Variants in GALNT9 observed in about 807,000 individuals in gnomAD.
The protein encoded by GALNT9 is polypeptide N-acetylgalactosaminyltransferase 9.
GALNT9 carries 47 observed loss-of-function variants against 63.1 expected under a neutral mutation model. That is an observed-to-expected ratio of 0.75 (90% CI 0.59 to 0.95). The LOEUF (loss-of-function observed/expected upper bound fraction) is 0.95, where lower values mean the gene tolerates loss of function less well. Ranked by LOEUF, GALNT9 falls within the 40% of genes least tolerant of loss-of-function variation. The probability of loss-of-function intolerance (pLI) is 0.00; values close to 1 mark genes in which losing one functional copy is unlikely to be tolerated. For synonymous variants in GALNT9, 396 were observed against 365.7 expected, an observed-to-expected ratio of 1.08 and a Z score of -0.94; for missense variants, 829 against 874.8, an observed-to-expected ratio of 0.95 and a Z score of 0.66.
chr12:132,308,575 G>A (rs906283992), intron 1 of GALNT9, among the ~76,000 whole-genome samples: 3 of 152,196 alleles, frequency 2.0e-5, no homozygotes, highest in Non-Finnish European at 4.4e-5. Flanking sequence ...AGGGTGGGCC[G>A]GGGAGGTAAG....
Position 132,199,132 on chromosome 12 carries a change from C to T in GALNT9, c.1497+42G>A, listed in dbSNP as rs61738583. On this transcript the variant is annotated intron_variant, in intron 9 of 10. Transcript: ENST00000328957. The stretch of plus-strand genomic sequence containing the variant: ...GTGTAGGGTCCGGGTGGCCTGGGGT[C>T]GTCCCCTTGGGAGCTGCATGGGTGG... The T allele has an allele frequency of 7.6e-3, 10,240 of 1,348,272 alleles. 382 individuals carry two copies. The African/African-American group carries it at 0.1, about 13-fold the overall frequency. The allele number at this position is 1,348,272 out of a possible 1,614,324, so 83.5% of individuals were successfully genotyped here.
intron 6 of GALNT9, chr12:132,240,638 C>G (rs2136899023): frequency 1.6e-5 from 7 of 449,166 alleles, no homozygotes; most frequent in Non-Finnish European, 1.8e-5. Context: ...CTATGGGCCT[C>G]GGACCTGCTC....
intron 6 of GALNT9, among the ~76,000 whole-genome samples, chr12:132,218,416 T>TC (rs975951389): frequency 2.0e-5 from 3 of 152,222 alleles, no homozygotes; most frequent in African/African-American, 4.8e-5. Flanking sequence ...GAACGGAATT[T>TC]CCCCTTTAAC....
intron 6 of GALNT9, among the ~76,000 whole-genome samples, chr12:132,223,302 C>A (rs1877548699): frequency 1.0e-5 from 1 of 97,166 alleles, no homozygotes; most frequent in Non-Finnish European, 2.2e-5. Flanking sequence ...AGACACCCCA[C>A]ACAACCCACA....
chr12:132,304,822 C>G (rs868960537), intron 1 of GALNT9, among the ~76,000 whole-genome samples: 10 of 54,934 alleles, frequency 1.8e-4, no homozygotes, highest in Non-Finnish European at 2.0e-4. Context: ...CACCCTCGCC[C>G]GGGCACACCC....
chr12:132,281,208 G>A (rs1295315207), intron 2 of GALNT9, among the ~76,000 whole-genome samples: 3 of 152,246 alleles, frequency 2.0e-5, no homozygotes, highest in African/African-American at 7.2e-5. Flanking sequence ...GTCCACCGGG[G>A]TCTGCGTTCT....
At chr12:132,220,952 G>T (rs1196672372) in intron 6 of GALNT9, among the ~76,000 whole-genome samples, 1 of 151,114 alleles carries the variant, frequency 6.6e-6, no homozygotes, top group Non-Finnish European at 1.5e-5. Flanking sequence ...AGGTACTCGG[G>T]AGGCTGAGGC....
In GALNT9 at chr12:132,240,179, G is replaced by C. The variant is rs2136897855; in HGVS notation, c.1077+7731C>G. On this transcript the variant is annotated intron_variant, in intron 6 of 10. Coordinates refer to ENST00000328957, the MANE Select transcript of GALNT9 (RefSeq NM_001122636.2). ...CAAGCGTATTTAGGGGACGTTGCTTGAGAGGAATCTCCTCTCTAAATGGCG... is the reference window on the plus strand; with the variant it reads ...CAAGCGTATTTAGGGGACGTTGCTTCAGAGGAATCTCCTCTCTAAATGGCG... Among the ~76,000 whole-genome samples, 3 of 152,302 alleles carry C rather than the reference G, an allele frequency of 2.0e-5. No individual in the cohort carries two copies. The South Asian group carries it at 6.2e-4, about 32-fold the overall frequency.
At chr12:132,224,585 C>A (rs1371592112) in intron 6 of GALNT9, among the ~76,000 whole-genome samples, 3,528 of 77,742 alleles carry the variant, frequency 0.045, 479 homozygotes, top group Non-Finnish European at 0.063. Context: ...CACACACACA[C>A]CACACAACCC....
chr12:132,238,341 T>TG lies in GALNT9; in HGVS notation c.1077+9568dup, dbSNP rs1383914966. On this transcript the variant is annotated intron_variant, in intron 6 of 10. Coordinates refer to ENST00000328957, the MANE Select transcript of GALNT9 (RefSeq NM_001122636.2). This position sits in a 1 kb window ranked among gnomAD's most constrained non-coding sequence, Gnocchi z 6.5. ...CACTGGCGAGGGGGACAGAGCTGGA[T>TG]GGGGGGCTTCAGGAGGGGCCGGGCA... 7.2e-6 allele frequency among the ~76,000 whole-genome samples: 1 copy of TG among 138,724 alleles called. No individual in the cohort carries two copies. Among genetic ancestry groups the TG allele is most frequent in the Non-Finnish European group, 1.6e-5 (1 of 63,088 alleles). 91.0% of individuals were successfully genotyped at this position (138,724 alleles called of 152,430 possible).
intron 2 of GALNT9, among the ~76,000 whole-genome samples, chr12:132,285,160 G>A: frequency 6.6e-6 from 1 of 152,220 alleles, no homozygotes; most frequent in Non-Finnish European, 1.5e-5. Context: ...CCTCCTGCCT[G>A]CCCTCCCTCA....
intron 10 of GALNT9, 57 bp from the exon 11 acceptor site, chr12:132,197,310 C>A (rs1875582286): frequency 1.3e-6 from 2 of 1,590,262 alleles, no homozygotes; most frequent in African/African-American, 1.3e-5. Context: ...TCCCCCTCCC[C>A]CCACCTCAGG....
intron 1 of GALNT9, among the ~76,000 whole-genome samples, chr12:132,288,799 G>A (rs1489683104): frequency 6.8e-6 from 1 of 146,678 alleles, no homozygotes; most frequent in Non-Finnish European, 1.5e-5. Context: ...CCCAGCGTTG[G>A]AACCGGCAGG....
Position 132,197,014 on chromosome 12 carries a change from T to C in GALNT9, c.*93A>G. ...CCTGGCCGCACATAGAGCCCTGTCC[T>C]GCTGTGTCTGCCGGGCACACCCCGG... is the stretch of plus-strand genomic sequence containing the variant. On this transcript the variant is annotated 3_prime_UTR_variant, in exon 11 of 11. Transcript: ENST00000328957. 1.9e-6 allele frequency: 3 copies of C among 1,566,020 alleles called. No individual in the cohort carries two copies. The highest frequency in any genetic ancestry group is 1.7e-6 in the Non-Finnish European group (2 of 1,155,296).
intron 6 of GALNT9, among the ~76,000 whole-genome samples, chr12:132,240,936 C>T (rs1272613284): frequency 1.6e-4 from 23 of 139,626 alleles, no homozygotes; most frequent in African/African-American, 1.1e-4. Context: ...ATTACACACA[C>T]GCCACACCCC....
intron 6 of GALNT9, among the ~76,000 whole-genome samples, chr12:132,211,236 A>G (rs997046747): frequency 6.6e-6 from 1 of 152,180 alleles, no homozygotes; most frequent in African/African-American, 2.4e-5. Context: ...AACCAGCAGG[A>G]TGCAGAAAAT....
At chr12:132,268,767 A>G (rs1879751025) in intron 2 of GALNT9, among the ~76,000 whole-genome samples, 1 of 152,200 alleles carries the variant, frequency 6.6e-6, no homozygotes. Context: ...GCAGCCATCA[A>G]GCACGTGCGC....
At chr12:132,214,939 A>G (rs1003506200) in intron 6 of GALNT9, among the ~76,000 whole-genome samples, 2 of 152,152 alleles carry the variant, frequency 1.3e-5, no homozygotes, top group African/African-American at 4.8e-5. Context: ...TCACTGTTCT[A>G]CGCGGATCTG....
intron 1 of GALNT9, among the ~76,000 whole-genome samples, chr12:132,299,142 C>A (rs1418034748): frequency 1.0e-5 from 1 of 99,148 alleles, no homozygotes; most frequent in African/African-American, 4.5e-5. Context: ...TCCCACCACA[C>A]CTAACCCACC....
Sources: gnomAD v4.1 joint callset for allele counts (sites outside exome capture counted in the v4.1 genomes callset) on GRCh38, gnomAD v4.1.1 for gene constraint, Gnocchi (gnomAD v3.1) non-coding constraint, MANE v1.5 for transcripts, NCBI Gene and HGNC (gene_info 2026-07-23, HGNC 2026-07-21) for gene names.